The following TRAPPC11 variants were observed in gnomAD, a reference collection of about 807,000 sequenced individuals.
TRAPPC11 encodes the protein foie gras homolog.
Under a neutral mutation model 151.2 loss-of-function variants are expected in TRAPPC11, and 104 were observed. The observed-to-expected ratio is 0.69, with a 90% CI of 0.59 to 0.81. The LOEUF is 0.81. TRAPPC11 is among the 30% of genes least tolerant of loss of function. The pLI is 0.00. For synonymous variants in TRAPPC11, 456 were observed against 472.3 expected (o/e 0.97, Z 0.45); for missense variants, 1,230 against 1,349.6 (o/e 0.91, Z 1.39).
intron 10 of TRAPPC11, among the ~76,000 whole-genome samples, chr4:183,680,481 A>T (rs1435705650): frequency 6.6e-6 from 1 of 152,158 alleles, no homozygotes; most frequent in Admixed American, 6.6e-5. Flanking sequence ...TTGAAGAACT[A>T]ATTTTTGGCA....
chr4:183,695,780 T>C (rs893202096), intron 23 of TRAPPC11, among the ~76,000 whole-genome samples: 3 of 152,078 alleles, frequency 2.0e-5, no homozygotes, highest in African/African-American at 7.2e-5. Context: ...AAGAAAACCA[T>C]CTCAAAATTA....
At chr4:183,681,557 G>C (rs1735692022) in intron 10 of TRAPPC11, among the ~76,000 whole-genome samples, 1 of 152,078 alleles carries the variant, frequency 6.6e-6, no homozygotes, top group South Asian at 2.1e-4. Flanking sequence ...GAGGTGGGCA[G>C]ATCACAAGGT....
At chr4:183,676,035 A>C (rs1048125464) in intron 7 of TRAPPC11, among the ~76,000 whole-genome samples, 8 of 152,258 alleles carry the variant, frequency 5.3e-5, no homozygotes, top group Non-Finnish European at 8.8e-5. Context: ...TTTATTATTC[A>C]CAGGAATATT....
At chr4:183,660,434 T>C (rs1734419132) in intron 1 of TRAPPC11, among the ~76,000 whole-genome samples, 3 of 152,216 alleles carry the variant, frequency 2.0e-5, no homozygotes, top group Admixed American at 1.3e-4. Context: ...TTATTGTCAG[T>C]ATGATAATAT....
intron 29 of TRAPPC11, among the ~76,000 whole-genome samples, chr4:183,712,007 A>G (rs942428872): frequency 3.3e-5 from 5 of 152,146 alleles, no homozygotes; most frequent in African/African-American, 1.2e-4. Flanking sequence ...AATTCTTTCA[A>G]TCAGTGATCT....
At chr4:183,694,537 C>T in intron 22 of TRAPPC11, 67 bp from the exon 23 acceptor site, 7 of 1,478,436 alleles carry the variant, frequency 4.7e-6, no homozygotes, top group Middle Eastern at 4.6e-4. Flanking sequence ...GGAACATTAT[C>T]CTAGAATATA....
chr4:183,666,309 T>A lies in TRAPPC11; in HGVS notation c.257T>A (p.Met86Lys). The change falls in exon 3 of 30, where the codon ATG becomes AAG. Residue 86 changes from methionine to lysine, a missense_variant. By Grantham distance (95) the Met-to-Lys change is moderately conservative. Coordinates refer to ENST00000334690, the MANE Select transcript of TRAPPC11 (RefSeq NM_021942.6). ...IPKGILKTGW[M>K]NKHLNLVPAL... ...AAAGGGATCTTAAAGACTGGCTGGA[T>A]GAATAAGCATCTGAATCTGGTGCCA... 6.2e-7 allele frequency: 1 copy of A among 1,614,210 alleles called. No individual in the cohort carries two copies. The highest frequency in any genetic ancestry group is 8.5e-7 in the Non-Finnish European group (1 of 1,180,022).
chr4:183,708,255 GAATCTGTTTGGAAGA>G, intron 28 of TRAPPC11, 137 bp from the exon 29 acceptor site: 1 of 741,820 alleles, frequency 1.3e-6, no homozygotes, highest in Non-Finnish European at 2.1e-6. Context: ...CTACACTTTG[GAATCTGTTTGGAAGA>G]TGGACTAGGA....
intron 18 of TRAPPC11, among the ~76,000 whole-genome samples, chr4:183,688,615 G>C (rs1012334007): frequency 6.6e-6 from 1 of 152,222 alleles, no homozygotes; most frequent in Non-Finnish European, 1.5e-5. Context: ...AAATATCTCT[G>C]TAATAGAAAT....
At chr4:183,675,349 C>A in intron 7 of TRAPPC11, 112 bp downstream of exon 7, 1 of 545,604 alleles carries the variant, frequency 1.8e-6, no homozygotes, top group Non-Finnish European at 3.0e-6. Flanking sequence ...GTTCATATTG[C>A]TTAGATTTAG....
chr4:183,707,920 C>T (rs1434745502), intron 28 of TRAPPC11, among the ~76,000 whole-genome samples: 1 of 150,236 alleles, frequency 6.7e-6, no homozygotes, highest in Non-Finnish European at 1.5e-5. Context: ...ATTTTCAAAA[C>T]ATCTTTTTTT....
Position 183,692,990 on chromosome 4 carries a change from G to A in TRAPPC11, c.2080G>A (p.Glu694Lys), listed in dbSNP as rs1736331237. The A allele has an allele frequency of 6.2e-7, 1 of 1,612,602 alleles. No homozygotes were observed. The highest frequency in any genetic ancestry group is 1.7e-5 in the Admixed American group (1 of 59,864). Residue 694 changes from glutamate (E) to lysine (K), a missense_variant, in exon 20 of 30, where the codon GAG becomes AAG. Physicochemically the swap from Glu to Lys is moderately conservative, Grantham distance 56 (BLOSUM62 1). Coordinates refer to ENST00000334690, the MANE Select transcript of TRAPPC11 (RefSeq NM_021942.6). ...TTCAGTGGATCTTGCTCTGGGCAAT[G>A]AGACGGGAAGATGTGTGGTTTTAAA... ...ITSVDLALGN[E>K]TGRCVVLNWQ...
chr4:183,689,739 A>G (rs1162344982), intron 18 of TRAPPC11, among the ~76,000 whole-genome samples: 1 of 136,550 alleles, frequency 7.3e-6, no homozygotes, highest in Non-Finnish European at 1.6e-5. Context: ...AAGTATGGGG[A>G]CTCTTATTTT....
At chr4:183,660,391 AAAAG>A in intron 1 of TRAPPC11, among the ~76,000 whole-genome samples, 1 of 152,364 alleles carries the variant, frequency 6.6e-6, no homozygotes, top group South Asian at 2.1e-4. Context: ...TCAGTACAAA[AAAAG>A]GTAAAATATG....
intron 5 of TRAPPC11, among the ~76,000 whole-genome samples, chr4:183,671,367 C>T (rs1213916636): frequency 1.3e-5 from 2 of 152,114 alleles, no homozygotes; most frequent in African/African-American, 4.8e-5. Flanking sequence ...AGTATTGAAG[C>T]AGTGTTTCAC....
rs1737396145 is a variant in TRAPPC11 at position 183,712,771 on chromosome 4, A to G, written c.*127A>G. Reference sequence around the variant, plus strand: ...TTTTCTATTTTTTAATGGATGTTATACCAACTATTCAGAGGAACTCATACT... The same window carrying G: ...TTTTCTATTTTTTAATGGATGTTATGCCAACTATTCAGAGGAACTCATACT... On this transcript the variant is annotated 3_prime_UTR_variant, in exon 30 of 30. Coordinates refer to ENST00000334690, the MANE Select transcript of TRAPPC11 (RefSeq NM_021942.6). The G allele has an allele frequency of 1.1e-6, 1 of 871,840 alleles. No individual in the cohort carries two copies. The highest frequency in any genetic ancestry group is 1.8e-6 in the Non-Finnish European group (1 of 542,320). 54.0% of individuals were successfully genotyped at this position (871,840 alleles called of 1,614,324 possible).
chr4:183,686,012 A>G (rs1487841279), intron 17 of TRAPPC11, among the ~76,000 whole-genome samples: 1 of 151,954 alleles, frequency 6.6e-6, no homozygotes, highest in Non-Finnish European at 1.5e-5. Context: ...TAATTTTTGT[A>G]TTTTTAGCAG....
intron 4 of TRAPPC11, among the ~76,000 whole-genome samples, chr4:183,667,450 A>G (rs1734942325): frequency 6.6e-6 from 1 of 152,138 alleles, no homozygotes; most frequent in Non-Finnish European, 1.5e-5. Flanking sequence ...TTGACTTCCA[A>G]AGCTTTCCAA....
intron 22 of TRAPPC11, 109 bp downstream of exon 22, chr4:183,694,147 A>T: frequency 8.5e-7 from 1 of 1,171,936 alleles, no homozygotes; most frequent in Non-Finnish European, 1.2e-6. Context: ...CTAGGACTGA[A>T]AAAGTGATTT....
Sources: gnomAD v4.1 joint callset for allele counts (sites outside exome capture counted in the v4.1 genomes callset) on GRCh38, gnomAD v4.1.1 for gene constraint, MANE v1.5 for transcripts, NCBI Gene and HGNC (gene_info 2026-07-23, HGNC 2026-07-21) for gene names.